Variants in IL4I1 observed in about 807,000 individuals in gnomAD.
The protein encoded by IL4I1 is interleukin 4 induced 1.
A neutral mutation model predicts 29.7 loss-of-function variants in IL4I1; 24 were observed. That is an observed-to-expected ratio of 0.81 (90% confidence interval 0.59 to 1.14). The LOEUF is 1.14. Ranked by LOEUF, IL4I1 falls within the 50% of genes most tolerant of loss-of-function variation. IL4I1 has a pLI of 0.00. For missense variants in IL4I1, 686 were observed against 785.6 expected, an observed-to-expected ratio of 0.87 and a Z score of 1.52; for synonymous variants, 371 against 352.5, an observed-to-expected ratio of 1.05 and a Z score of -0.59.
At chr19:49,927,009 AC>A (rs1363634315) in intron 2 of IL4I1, among the ~76,000 whole-genome samples, 2 of 151,806 alleles carry the variant, frequency 1.3e-5, no homozygotes, top group Non-Finnish European at 2.9e-5. Flanking sequence ...ACAGGTGCAA[AC>A]CACCACACCC....
intron 2 of IL4I1, chr19:49,906,687 C>T (rs895119733): frequency 6.6e-6 from 1 of 152,230 alleles, no homozygotes; most frequent in Non-Finnish European, 1.5e-5. Flanking sequence ...TCATCGCATA[C>T]CCCTATGTCT....
chr19:49,900,065 G>A (rs917984640), upstream of IL4I1, among the ~76,000 whole-genome samples: 3 of 152,064 alleles, frequency 2.0e-5, no homozygotes, highest in Non-Finnish European at 4.4e-5. Context: ...TCAAACTCCT[G>A]GGCTCAGGTG....
At chr19:49,907,979 C>A in intron 2 of IL4I1, 1 of 643,604 alleles carries the variant, frequency 1.6e-6, no homozygotes, top group South Asian at 2.1e-5. Flanking sequence ...GGTGGGTGGT[C>A]GCAGTAGGTG....
chr19:49,924,099 G>A (rs2075827531), intron 2 of IL4I1, among the ~76,000 whole-genome samples: 2 of 152,230 alleles, frequency 1.3e-5, no homozygotes, highest in Non-Finnish European at 2.9e-5. Context: ...GCAGCAGCAG[G>A]CCTGAGGTGA....
intron 2 of IL4I1, among the ~76,000 whole-genome samples, chr19:49,905,892 C>T (rs995600885): frequency 1.3e-5 from 2 of 152,102 alleles, no homozygotes; most frequent in Non-Finnish European, 2.9e-5. Context: ...TGTGAGCCAC[C>T]GCACCTGGCC....
At chr19:49,923,490 A>G (rs1052569256) in intron 2 of IL4I1, among the ~76,000 whole-genome samples, 7 of 152,194 alleles carry the variant, frequency 4.6e-5, no homozygotes, top group Non-Finnish European at 1.0e-4. Context: ...GTAGGCAGAC[A>G]TCTGCACACG....
At chr19:49,926,856 T>A (rs1308800467) in intron 2 of IL4I1, among the ~76,000 whole-genome samples, 1 of 7,990 alleles carries the variant, frequency 1.3e-4, no homozygotes, top group Non-Finnish European at 2.6e-4. Context: ...AAGTAGGTAC[T>A]TTTTTTTTTT....
chr19:49,912,056 G>A (rs1178050380), intron 2 of IL4I1, among the ~76,000 whole-genome samples: 3 of 151,976 alleles, frequency 2.0e-5, no homozygotes, highest in Non-Finnish European at 4.4e-5. Flanking sequence ...CTATTAATAA[G>A]TTGTAGCTAA....
At chr19:49,918,576 CCT>C (rs2075682873) in intron 2 of IL4I1, 1 of 152,218 alleles carries the variant, frequency 6.6e-6, no homozygotes, top group Non-Finnish European at 1.5e-5. Context: ...CATTTTCCTC[CCT>C]GATGCCTTTC....
upstream of IL4I1, among the ~76,000 whole-genome samples, chr19:49,899,843 C>A (rs894442630): frequency 6.6e-6 from 1 of 152,172 alleles, no homozygotes; most frequent in African/African-American, 2.4e-5. Flanking sequence ...GCGTGAGCCA[C>A]CTCGCCCGGC....
At chr19:49,909,516 T>C (rs1568701533) in intron 2 of IL4I1, 2 of 1,614,136 alleles carry the variant, frequency 1.2e-6, no homozygotes, top group Non-Finnish European at 1.7e-6. Flanking sequence ...TTGCTCAAGT[T>C]GAGCTTTGAA....
chr19:49,906,724 C>T (rs1225424208), intron 2 of IL4I1: 1 of 152,226 alleles, frequency 6.6e-6, no homozygotes, highest in African/African-American at 2.4e-5. Flanking sequence ...ATTTGCTTGC[C>T]TGTGCGTTTC....
At position 49,891,113 on chromosome 19, in the gene IL4I1, G is replaced by T; in HGVS notation, c.637-6C>A. On this transcript the variant is annotated splice_polypyrimidine_tract_variant and splice_region_variant and intron_variant, in intron 6 of 7. Transcript: ENST00000391826. ...CCCTCCCCGAGAAGATATTCCTGCAGGTTGGGCACAGGCCGAGGTTAGGGC... is the reference window on the plus strand; with the variant it reads ...CCCTCCCCGAGAAGATATTCCTGCATGTTGGGCACAGGCCGAGGTTAGGGC... The T allele has an allele frequency of 6.2e-7, 1 of 1,611,306 alleles. No homozygotes were observed. Among genetic ancestry groups the T allele is most frequent in the South Asian group, 1.1e-5 (1 of 90,924 alleles).
At chr19:49,909,820 T>G (rs960312376) in intron 2 of IL4I1, 2 of 1,613,560 alleles carry the variant, frequency 1.2e-6, no homozygotes, top group Non-Finnish European at 1.7e-6. Flanking sequence ...CTCCGGACTC[T>G]GGTGGCGGCA....
Position 49,921,193 on chromosome 19 carries a change from T to C in IL4I1, c.-228+6501A>G, listed in dbSNP as rs995168714. 6.6e-6 allele frequency among the ~76,000 whole-genome samples: 1 copy of C among 152,152 alleles called. No homozygotes were observed. Among genetic ancestry groups the C allele is most frequent in the Non-Finnish European group, 1.5e-5 (1 of 68,014 alleles). ...GCAATGTGACGAAGCGAAACTATCA[T>C]GGCTCCCATTTATAAATGAGCAAAC... On this transcript the variant is annotated intron_variant, in intron 2 of 9. Coordinates refer to the IL4I1 transcript ENST00000341114. This position sits in a 1 kb window ranked among gnomAD's most constrained non-coding sequence, Gnocchi z 5.4.
At chr19:49,910,760 C>T (rs1029698478) in intron 2 of IL4I1, among the ~76,000 whole-genome samples, 39 of 152,142 alleles carry the variant, frequency 2.6e-4, no homozygotes, top group Admixed American at 5.2e-4. Context: ...CCAGAAGACC[C>T]ATGGGCCACA....
At chr19:49,926,208 CAAAAAA>C (rs33981121) in intron 2 of IL4I1, among the ~76,000 whole-genome samples, 1 of 42,516 alleles carries the variant, frequency 2.4e-5, no homozygotes, top group African/African-American at 1.0e-4. Flanking sequence ...GACTCTGTCT[CAAAAAA>C]AAAAAAAAAA....
intron 2 of IL4I1, among the ~76,000 whole-genome samples, chr19:49,917,309 T>C (rs1299247891): frequency 1.3e-5 from 2 of 152,196 alleles, no homozygotes; most frequent in African/African-American, 4.8e-5. Flanking sequence ...TCTCCATGAG[T>C]GCTAGTGCTG....
intron 2 of IL4I1, among the ~76,000 whole-genome samples, chr19:49,916,759 G>A (rs889919644): frequency 2.6e-5 from 4 of 151,944 alleles, no homozygotes; most frequent in African/African-American, 9.7e-5. Flanking sequence ...GCGAGACTCC[G>A]TCTCAAAAAC....
Sources: gnomAD v4.1 joint callset for allele counts (sites outside exome capture counted in the v4.1 genomes callset) on GRCh38, gnomAD v4.1.1 for gene constraint, Gnocchi (gnomAD v3.1) non-coding constraint, MANE v1.5 for transcripts, NCBI Gene and HGNC (gene_info 2026-07-23, HGNC 2026-07-21) for gene names.